RALGPS1: variants seen among roughly 807,000 people sequenced by gnomAD.
RALGPS1 encodes ras-specific guanine nucleotide-releasing factor RalGPS1.
In RALGPS1, 19 loss-of-function variants were observed where a neutral mutation model predicts 78.8. The observed-to-expected ratio is 0.24, with a 90% CI of 0.17 to 0.35. The LOEUF is 0.35. Among genes scored for constraint, RALGPS1 ranks in the 10% least tolerant of loss-of-function variants. The pLI is 1.00. For synonymous variants in RALGPS1, 228 were observed against 256.3 expected, an observed-to-expected ratio of 0.89 and a Z score of 1.06; for missense variants, 454 against 688.3, an observed-to-expected ratio of 0.66 and a Z score of 3.81.
intron 1 of RALGPS1, among the ~76,000 whole-genome samples, chr9:126,925,099 C>A (rs1288695259): frequency 1.3e-5 from 2 of 151,772 alleles, no homozygotes; most frequent in African/African-American, 4.8e-5. Context: ...TGCACTCCAA[C>A]CTGGGAAGCA....
intron 9 of RALGPS1, among the ~76,000 whole-genome samples, chr9:127,166,782 A>C (rs895207843): frequency 6.6e-6 from 1 of 152,000 alleles, no homozygotes; most frequent in African/African-American, 2.4e-5. Flanking sequence ...GACTGGCCAC[A>C]CTCTGCTGCA....
chr9:127,013,489 C>G (rs1342737705), intron 4 of RALGPS1, among the ~76,000 whole-genome samples: 1 of 152,152 alleles, frequency 6.6e-6, no homozygotes, highest in African/African-American at 2.4e-5. Context: ...GACGCCCCCT[C>G]TCTCTCCCAC....
intron 1 of RALGPS1, among the ~76,000 whole-genome samples, chr9:126,960,379 G>T (rs1341004179): frequency 2.6e-5 from 4 of 151,324 alleles, no homozygotes; most frequent in Non-Finnish European, 4.4e-5. Context: ...GACTACAGGC[G>T]CCTGCCACCA....
At chr9:126,942,890 G>T (rs1343009070) in intron 1 of RALGPS1, among the ~76,000 whole-genome samples, 2 of 151,782 alleles carry the variant, frequency 1.3e-5, no homozygotes, top group Admixed American at 1.3e-4. Context: ...TTCTTTAAAT[G>T]ATTTTTGTAC....
intron 11 of RALGPS1, among the ~76,000 whole-genome samples, chr9:127,176,733 G>T (rs888184662): frequency 4.6e-5 from 7 of 152,170 alleles, no homozygotes; most frequent in African/African-American, 9.7e-5. Flanking sequence ...CCATCTCCCG[G>T]TGCCCCTTCC....
intron 8 of RALGPS1, among the ~76,000 whole-genome samples, chr9:127,104,981 G>T (rs1464953378): frequency 6.6e-6 from 1 of 152,146 alleles, no homozygotes; most frequent in Non-Finnish European, 1.5e-5. Context: ...TGGATGCCCT[G>T]ACTGTTCCGT....
At chr9:127,001,048 G>A (rs937731469) in intron 4 of RALGPS1, among the ~76,000 whole-genome samples, 1 of 151,516 alleles carries the variant, frequency 6.6e-6, no homozygotes, top group African/African-American at 2.4e-5. Flanking sequence ...GCTGAGGTGG[G>A]TGGGTTGCTT....
chr9:127,182,648 T>A (rs1232673925), intron 11 of RALGPS1, among the ~76,000 whole-genome samples: 1 of 152,024 alleles, frequency 6.6e-6, no homozygotes. Context: ...AGGCTGCTCT[T>A]GAACTCCTGA....
rs1486674877 is a variant in RALGPS1 at position 127,222,811 on chromosome 9, A to G, written c.*4042A>G. The G allele has an allele frequency of 2.0e-5, 3 of 152,654 alleles. No individual in the cohort carries two copies. Among genetic ancestry groups the G allele is most frequent in the East Asian group, 1.9e-4 (1 of 5,200 alleles). 9.5% of individuals were successfully genotyped at this position (152,654 alleles called of 1,614,324 possible). A position where few individuals can be genotyped will look rare whatever the true frequency, so the allele number is the denominator to read the frequency against. ...AATGTTGCATAGAGAGTAGTTTTCAATTTCTTATGTACTCTTCGAAGTAAG... is the reference window on the plus strand; with the variant it reads ...AATGTTGCATAGAGAGTAGTTTTCAGTTTCTTATGTACTCTTCGAAGTAAG... On this transcript the variant is annotated 3_prime_UTR_variant, in exon 19 of 19. Coordinates refer to ENST00000259351, the MANE Select transcript of RALGPS1 (RefSeq NM_014636.3).
intron 8 of RALGPS1, among the ~76,000 whole-genome samples, chr9:127,141,356 A>AT (rs2057759935): frequency 6.6e-6 from 1 of 152,100 alleles, no homozygotes; most frequent in Non-Finnish European, 1.5e-5. Context: ...ACTTTCAAAT[A>AT]TTTTAAGTTT....
intron 8 of RALGPS1, chr9:127,088,064 G>A (rs1039414892): frequency 2.0e-5 from 3 of 152,616 alleles, no homozygotes; most frequent in African/African-American, 7.2e-5. Context: ...GAAAGAAGGG[G>A]CTGTGCGACA....
chr9:127,167,769 G>A (rs1011288695), intron 9 of RALGPS1, among the ~76,000 whole-genome samples: 7 of 152,222 alleles, frequency 4.6e-5, no homozygotes, highest in East Asian at 1.9e-4. Context: ...TCCAGAAAGC[G>A]AGGGTCCTTC....
At chr9:126,979,481 C>A (rs1201789641) in intron 4 of RALGPS1, among the ~76,000 whole-genome samples, 1 of 152,164 alleles carries the variant, frequency 6.6e-6, no homozygotes, top group Admixed American at 6.6e-5. Flanking sequence ...GAAGCTGTTT[C>A]TGATTATGTT....
chr9:126,992,547 C>G (rs775971617), intron 4 of RALGPS1, among the ~76,000 whole-genome samples: 1 of 152,104 alleles, frequency 6.6e-6, no homozygotes, highest in Non-Finnish European at 1.5e-5. Flanking sequence ...TAAGTTTTAC[C>G]AAAGAAGTCT....
At position 127,222,859 on chromosome 9, in the gene RALGPS1, T is replaced by C. The variant is rs1459872909; in HGVS notation, c.*4090T>C. On this transcript the variant is annotated 3_prime_UTR_variant, in exon 19 of 19. Coordinates refer to ENST00000259351, the MANE Select transcript of RALGPS1 (RefSeq NM_014636.3). ...AAGTTGAAAATCAGTTTCTACATTTTAATTCGTTTCCTGTTAAATCTGTTG... is the reference window on the plus strand; with the variant it reads ...AAGTTGAAAATCAGTTTCTACATTTCAATTCGTTTCCTGTTAAATCTGTTG... 6.6e-6 allele frequency: 1 copy of C among 152,656 alleles called. No homozygotes were observed. The highest frequency in any genetic ancestry group is 1.5e-5 in the Non-Finnish European group (1 of 68,050). The allele number at this position is 152,656 out of a possible 1,614,324, so 9.5% of individuals were successfully genotyped here. A position where few individuals can be genotyped will look rare whatever the true frequency, so the allele number is the denominator to read the frequency against.
chr9:127,217,232 G>GGA (rs1320308110), intron 18 of RALGPS1: 1 of 1,213,378 alleles, frequency 8.2e-7, no homozygotes, highest in Non-Finnish European at 1.0e-6. Context: ...TTTCAGACCT[G>GGA]GAGGAGGGGA....
chr9:127,084,352 T>G (rs932244383), intron 8 of RALGPS1, among the ~76,000 whole-genome samples: 11 of 152,176 alleles, frequency 7.2e-5, no homozygotes, highest in Non-Finnish European at 8.8e-5. Flanking sequence ...TCATAGCTGT[T>G]GGTAACTCAG....
intron 4 of RALGPS1, among the ~76,000 whole-genome samples, chr9:126,988,461 C>T (rs1475823773): frequency 6.6e-6 from 1 of 152,192 alleles, no homozygotes; most frequent in Non-Finnish European, 1.5e-5. Flanking sequence ...GGCTAAAGTG[C>T]AATGGCATGA....
intron 1 of RALGPS1, among the ~76,000 whole-genome samples, chr9:126,952,663 G>GTGTGTGTC (rs2037954462): frequency 1.9e-5 from 2 of 106,624 alleles, no homozygotes. Flanking sequence ...GAGAGTGTGT[G>GTGTGTGTC]TGTGTGTGTG....
Sources: allele counts gnomAD v4.1 joint callset (sites outside exome capture counted in the v4.1 genomes callset), GRCh38; gene constraint gnomAD v4.1.1; transcripts MANE v1.5; gene names NCBI Gene and HGNC (gene_info 2026-07-23, HGNC 2026-07-21).